Variants in TF observed in about 807,000 individuals in gnomAD.
TF encodes serotransferrin.
A neutral mutation model predicts 82.4 loss-of-function variants in TF; 55 were observed. The ratio of observed to expected loss-of-function variants is 0.67; its 90% CI spans 0.54 to 0.84. The LOEUF (loss-of-function observed/expected upper bound fraction) is 0.84. Ranked by LOEUF, TF falls within the 40% of genes least tolerant of loss-of-function variation. The probability of loss-of-function intolerance (pLI) is 0.00; values close to 1 mark genes in which losing one functional copy is unlikely to be tolerated. For synonymous variants in TF, 332 were observed against 332.6 expected (o/e 1.00, Z 0.02); for missense variants, 737 against 868.4 (o/e 0.85, Z 1.90).
the TF span, among the ~76,000 whole-genome samples, chr3:133,665,917 A>G: frequency 1.3e-5 from 2 of 149,044 alleles, no homozygotes; most frequent in Non-Finnish European, 3.0e-5. Flanking sequence ...CCTGGGCAAA[A>G]AGAGCGAAAC....
upstream of TF, among the ~76,000 whole-genome samples, chr3:133,742,279 C>T (rs925911737): frequency 3.9e-5 from 6 of 152,274 alleles, no homozygotes; most frequent in East Asian, 9.6e-4. Flanking sequence ...ACCACCCCCA[C>T]GCTGTAATTC....
chr3:133,717,448 C>G, the TF span, among the ~76,000 whole-genome samples: 2 of 152,198 alleles, frequency 1.3e-5, no homozygotes, highest in Non-Finnish European at 2.9e-5. Context: ...TGCACATCTG[C>G]CTCATTGTTC....
chr3:133,776,718 C>T (rs1246008624), intron 15 of TF, among the ~76,000 whole-genome samples: 2 of 152,106 alleles, frequency 1.3e-5, no homozygotes, highest in African/African-American at 4.8e-5. Context: ...ATGTTATTGT[C>T]CTCTCATTTC....
the TF span, among the ~76,000 whole-genome samples, chr3:133,709,056 G>GTAGC: frequency 6.6e-6 from 1 of 152,196 alleles, no homozygotes; most frequent in African/African-American, 2.4e-5. Flanking sequence ...GACACATCCT[G>GTAGC]TAGCTGTGAC....
Position 133,778,978 on chromosome 3 carries a change from G to A in TF, c.*358G>A. 1 of 301,076 alleles carries A rather than the reference G, an allele frequency of 3.3e-6. No homozygotes were observed. The highest frequency in any genetic ancestry group is 6.4e-6 in the Non-Finnish European group (1 of 155,592). The allele number at this position is 301,076 out of a possible 1,614,324, so 18.7% of individuals were successfully genotyped here. A position where few individuals can be genotyped will look rare whatever the true frequency, so the allele number is the denominator to read the frequency against. ...GGAGACATCTTTTCTAAAAGGGTCT[G>A]CGTGATCATTAAAATATAATCAAAT... On this transcript the variant is annotated 3_prime_UTR_variant, in exon 17 of 17. Transcript: ENST00000402696.
chr3:133,696,220 C>CCTGGT, the TF span, among the ~76,000 whole-genome samples: 2 of 151,968 alleles, frequency 1.3e-5, no homozygotes, highest in Non-Finnish European at 2.9e-5. Context: ...AGCCTCCAAC[C>CCTGGT]AGGAGTTGGA....
At chr3:133,710,904 C>T in the TF span, among the ~76,000 whole-genome samples, 1 of 152,188 alleles carries the variant, frequency 6.6e-6, no homozygotes, top group East Asian at 1.9e-4. Flanking sequence ...TCTTCAACTC[C>T]CTGCCGCCTG....
chr3:133,766,952 A>C (rs1934143729), intron 12 of TF, among the ~76,000 whole-genome samples: 1 of 152,212 alleles, frequency 6.6e-6, no homozygotes, highest in Admixed American at 6.5e-5. Flanking sequence ...ACTTAGGTAC[A>C]TCACCATACC....
At chr3:133,777,609 A>G (rs1934428068) in intron 16 of TF, 1 of 204,106 alleles carries the variant, frequency 4.9e-6, no homozygotes, top group South Asian at 9.6e-5. Context: ...TAAGTTAATT[A>G]AAATTAAACT....
At chr3:133,755,318 C>T (rs1180375922) in intron 4 of TF, 45 bp from the exon 5 acceptor site, 1 of 1,613,692 alleles carries the variant, frequency 6.2e-7, no homozygotes, top group Admixed American at 1.7e-5. Flanking sequence ...TTGGCTGTGG[C>T]CAGCCTCACT....
chr3:133,688,470 A>G, the TF span: 2 of 152,218 alleles, frequency 1.3e-5, no homozygotes, highest in African/African-American at 4.8e-5. Context: ...GAACCAGACC[A>G]TGCTTTAGAG....
chr3:133,710,831 CCCT>C, the TF span, among the ~76,000 whole-genome samples: 2 of 152,314 alleles, frequency 1.3e-5, no homozygotes, highest in African/African-American at 4.8e-5. Flanking sequence ...TGCCTTCCTT[CCCT>C]CCTCCTCTTT....
the TF span, among the ~76,000 whole-genome samples, chr3:133,690,761 A>T: frequency 9.5e-4 from 145 of 152,322 alleles, 1 homozygote; most frequent in African/African-American, 3.4e-3. Context: ...AGAAAGATGT[A>T]TGTAAAGTGG....
chr3:133,697,616 G>C, the TF span, among the ~76,000 whole-genome samples: 28 of 152,172 alleles, frequency 1.8e-4, no homozygotes, highest in Non-Finnish European at 3.2e-4. Flanking sequence ...ACAATGAGTG[G>C]GGGTGGAGAG....
rs946218133 is a variant in TF, at chr3:133,780,166, A to T, written c.*1546A>T. On this transcript the variant is annotated 3_prime_UTR_variant, in exon 17 of 17. Transcript: ENST00000402696. Reference sequence around the variant, plus strand: ...ACTCTGGGTCCACTTTGCAGTCCAGACCTGATATGGACCGTTTTACACACA... The same window carrying T: ...ACTCTGGGTCCACTTTGCAGTCCAGTCCTGATATGGACCGTTTTACACACA... 6.6e-6 allele frequency: 1 copy of T among 152,180 alleles called. No homozygotes were observed. The highest frequency in any genetic ancestry group is 2.4e-5 in the African/African-American group (1 of 41,442). The allele number at this position is 152,180 out of a possible 1,614,324, so 9.4% of individuals were successfully genotyped here. A position where few individuals can be genotyped will look rare whatever the true frequency, so the allele number is the denominator to read the frequency against.
chr3:133,725,650 C>T, the TF span, among the ~76,000 whole-genome samples: 1 of 151,702 alleles, frequency 6.6e-6, no homozygotes. Context: ...CCCTTTATTT[C>T]CTTCTCCTGC....
chr3:133,682,014 T>C, the TF span, among the ~76,000 whole-genome samples: 2 of 152,144 alleles, frequency 1.3e-5, no homozygotes, highest in African/African-American at 2.4e-5. Flanking sequence ...TCCAGAGGAA[T>C]GATCAGGCAG....
At chr3:133,699,471 G>A in the TF span, 7 of 1,236,700 alleles carry the variant, frequency 5.7e-6, no homozygotes, top group Non-Finnish European at 6.6e-6. Context: ...GGCTGACAAG[G>A]ACCAGTATGA....
chr3:133,770,586 C>A lies in TF; in HGVS notation c.1687+14C>A. ...AGAACACTGGGGGTAAGTGCACCTG[C>A]TCCTCTGTCCCCCTAGATCACTAGA... is the stretch of plus-strand genomic sequence containing the variant. On this transcript the variant is annotated intron_variant, in intron 14 of 16. Coordinates refer to ENST00000402696, the MANE Select transcript of TF (RefSeq NM_001063.4). 1 of 1,613,810 alleles carries A rather than the reference C, an allele frequency of 6.2e-7. No individual in the cohort carries two copies. Among genetic ancestry groups the A allele is most frequent in the South Asian group, 1.1e-5 (1 of 91,064 alleles).
Sources: gnomAD v4.1 joint callset for allele counts (sites outside exome capture counted in the v4.1 genomes callset) on GRCh38, gnomAD v4.1.1 for gene constraint, MANE v1.5 for transcripts, NCBI Gene and HGNC (gene_info 2026-07-23, HGNC 2026-07-21) for gene names.